Variants in SLC35F5 observed in about 807,000 individuals in gnomAD.
The protein encoded by SLC35F5 is HCV NS5A-transactivated protein 3.
SLC35F5 carries 54 observed loss-of-function variants against 68.6 expected under a neutral mutation model. The observed-to-expected ratio is 0.79, with a 90% CI of 0.63 to 0.99. SLC35F5 has a LOEUF of 0.99. SLC35F5 is among the 50% of genes least tolerant of loss of function. The pLI is 0.00. For missense variants in SLC35F5, 567 were observed against 626.9 expected, an observed-to-expected ratio of 0.90 and a Z score of 1.02; for synonymous variants, 211 against 205.2, an observed-to-expected ratio of 1.03 and a Z score of -0.24.
At chr2:113,751,835 A>T (rs1040284857) in intron 3 of SLC35F5, among the ~76,000 whole-genome samples, 3 of 146,236 alleles carry the variant, frequency 2.1e-5, no homozygotes, top group African/African-American at 7.6e-5. Context: ...AATGGCTCCT[A>T]TAATAAATGG....
At position 113,709,274 on chromosome 2, in the gene SLC35F5, G is replaced by A. The variant is rs1302631130; in HGVS notation, c.*5944C>T. Among the ~76,000 whole-genome samples the A allele has an allele frequency of 2.0e-5, 3 of 152,184 alleles. No individual in the cohort carries two copies. The highest frequency in any genetic ancestry group is 1.9e-4 in the East Asian group (1 of 5,202). On this transcript the variant is annotated 3_prime_UTR_variant, in exon 16 of 16. Coordinates refer to ENST00000245680, the MANE Select transcript of SLC35F5 (RefSeq NM_025181.5). ...CTGGAACTACAAAACTACGGCCTAT[G>A]TGGTGTCACTGTTATTACCACTCTT...
rs967381920 is a variant in SLC35F5, at chr2:113,710,376, A to G, written c.*4842T>C. On this transcript the variant is annotated 3_prime_UTR_variant, in exon 16 of 16. Coordinates refer to ENST00000245680, the MANE Select transcript of SLC35F5 (RefSeq NM_025181.5). ...GGTCTGACTGACACTGGATTTCTTC[A>G]TAAGAAAAATAAATGTGAAAGCTAT... Among the ~76,000 whole-genome samples the G allele has an allele frequency of 3.3e-5, 5 of 152,354 alleles. No individual in the cohort carries two copies. The South Asian group carries it at 8.3e-4, about 25-fold the overall frequency.
intron 10 of SLC35F5, among the ~76,000 whole-genome samples, chr2:113,729,824 A>G (rs1232244169): frequency 6.6e-6 from 1 of 152,198 alleles, no homozygotes; most frequent in Non-Finnish European, 1.5e-5. Flanking sequence ...TAATTTAGAA[A>G]TGCATGTTTC....
intron 7 of SLC35F5, among the ~76,000 whole-genome samples, chr2:113,738,455 A>T (rs1688171132): frequency 6.6e-6 from 1 of 152,102 alleles, no homozygotes; most frequent in Non-Finnish European, 1.5e-5. Context: ...ATAATATTAC[A>T]TTATGTTCAG....
chr2:113,745,299 C>A (rs1481527057), intron 5 of SLC35F5, among the ~76,000 whole-genome samples: 4 of 152,112 alleles, frequency 2.6e-5, no homozygotes, highest in Admixed American at 1.3e-4. Flanking sequence ...ATCTATTAAC[C>A]TACTCTGCAT....
At chr2:113,735,262 T>C (rs1688041631) in intron 8 of SLC35F5, among the ~76,000 whole-genome samples, 1 of 152,226 alleles carries the variant, frequency 6.6e-6, no homozygotes, top group Non-Finnish European at 1.5e-5. Flanking sequence ...TAGCACAGGC[T>C]AAGGCATGAA....
chr2:113,723,996 A>T (rs1160847688), intron 12 of SLC35F5, among the ~76,000 whole-genome samples: 1 of 152,214 alleles, frequency 6.6e-6, no homozygotes, highest in Non-Finnish European at 1.5e-5. Flanking sequence ...GATCCATGGA[A>T]GTTATAGGCA....
At position 113,707,735 on chromosome 2, in the gene SLC35F5, A is replaced by G. The variant is rs1164297413; in HGVS notation, c.*7483T>C. On this transcript the variant is annotated 3_prime_UTR_variant, in exon 16 of 16. Transcript: ENST00000245680. ...CCACCATGCCTGGCTAATTTTTTGT[A>G]TTTTTAGTAGAGAAGGGGTTTCTCC... Among the ~76,000 whole-genome samples, 1 of 151,854 alleles carries G rather than the reference A, an allele frequency of 6.6e-6. No individual in the cohort carries two copies. Among genetic ancestry groups the G allele is most frequent in the Non-Finnish European group, 1.5e-5 (1 of 67,972 alleles).
At chr2:113,735,295 G>C (rs72944699) in intron 8 of SLC35F5, among the ~76,000 whole-genome samples, 4,305 of 152,254 alleles carry the variant, frequency 0.028, 118 homozygotes, top group African/African-American at 0.07. Context: ...CTTAACAACA[G>C]GGATAAATAC....
intron 6 of SLC35F5, 75 bp from the exon 7 acceptor site, chr2:113,742,954 A>G (rs1676344540): frequency 7.4e-7 from 1 of 1,360,232 alleles, no homozygotes; most frequent in Non-Finnish European, 1.0e-6. Flanking sequence ...TAATTTACTG[A>G]TAAATGTATA....
chr2:113,741,400 T>C (rs1676267006), intron 7 of SLC35F5, among the ~76,000 whole-genome samples: 1 of 152,170 alleles, frequency 6.6e-6, no homozygotes, highest in African/African-American at 2.4e-5. Flanking sequence ...CCACTTACTG[T>C]ACACTTAAAA....
rs778542123 is a variant in SLC35F5 at position 113,750,429 on chromosome 2, G to A, written c.413C>T (p.Ala138Val). Residue 138 changes from alanine to valine, a missense_variant, in exon 4 of 16, where the codon GCT becomes GTT. Coordinates refer to ENST00000245680, the MANE Select transcript of SLC35F5 (RefSeq NM_025181.5). ...CAGTTAAAATTAAAAACTTACAAAA[G>A]CAGCATGCTTTCCGCGAAGTCCTCT... ...CTRGLRGKHAAFFADAEGYFA... is the reference protein window; with the variant it reads ...CTRGLRGKHAVFFADAEGYFA... The A allele has an allele frequency of 4.4e-6, 7 of 1,595,952 alleles. No homozygotes were observed. Among genetic ancestry groups the A allele is most frequent in the Non-Finnish European group, 6.0e-6 (7 of 1,172,354 alleles).
intron 5 of SLC35F5, 88 bp from the exon 6 acceptor site, chr2:113,743,882 T>C: frequency 1.9e-6 from 2 of 1,047,866 alleles, no homozygotes; most frequent in Non-Finnish European, 2.7e-6. Flanking sequence ...TAGACACAAA[T>C]ACCATCTAAA....
chr2:113,704,593 C>T (rs900611897), downstream of SLC35F5, among the ~76,000 whole-genome samples: 24 of 151,996 alleles, frequency 1.6e-4, no homozygotes, highest in Admixed American at 1.5e-3. Context: ...AGCGCAGCGC[C>T]GGTGGGCCGG....
intron 15 of SLC35F5, among the ~76,000 whole-genome samples, chr2:113,716,760 G>A (rs1687197553): frequency 6.6e-6 from 1 of 152,282 alleles, no homozygotes; most frequent in East Asian, 1.9e-4. Context: ...AAGGGCAGGG[G>A]TAACTGCCTT....
intron 7 of SLC35F5, among the ~76,000 whole-genome samples, chr2:113,736,915 A>T (rs1230835170): frequency 2.0e-5 from 3 of 152,192 alleles, no homozygotes; most frequent in African/African-American, 7.2e-5. Flanking sequence ...TTCACTGATA[A>T]TTCATCCATT....
chr2:113,738,385 A>C (rs1039999548), intron 7 of SLC35F5, among the ~76,000 whole-genome samples: 6 of 152,078 alleles, frequency 3.9e-5, no homozygotes, highest in Non-Finnish European at 7.4e-5. Flanking sequence ...ATTTAGCATA[A>C]TGTCTTTCAG....
chr2:113,709,616 C>T lies in SLC35F5; in HGVS notation c.*5602G>A, dbSNP rs1466736782. Among the ~76,000 whole-genome samples the T allele has an allele frequency of 2.6e-5, 4 of 152,164 alleles. No homozygotes were observed. Among genetic ancestry groups the T allele is most frequent in the Admixed American group, 6.5e-5 (1 of 15,284 alleles). On this transcript the variant is annotated 3_prime_UTR_variant, in exon 16 of 16. Coordinates refer to ENST00000245680, the MANE Select transcript of SLC35F5 (RefSeq NM_025181.5). ...GAATAATCTCCCCCAAATAAATTCA[C>T]TAATGAGGAACAGAAGGAATCCAAC...
Position 113,746,303 on chromosome 2 carries a change from T to C in SLC35F5, c.454A>G (p.Thr152Ala), listed in dbSNP as rs1676480119. ...DAEGYFAACTTDTTMNSSLSE... is the reference protein window; with the variant it reads ...DAEGYFAACTADTTMNSSLSE... ...AAAGAACTATTCATAGTTGTATCTG[T>C]TGTGCAAGCAGCAAAGTAACCTTCA... is the stretch of plus-strand genomic sequence containing the variant. Residue 152 changes from threonine (T) to alanine (A), a missense_variant, in exon 5 of 16, where the codon ACA becomes GCA. Coordinates refer to ENST00000245680, the MANE Select transcript of SLC35F5 (RefSeq NM_025181.5). The C allele has an allele frequency of 3.1e-6, 5 of 1,613,438 alleles. No individual in the cohort carries two copies. Among genetic ancestry groups the C allele is most frequent in the South Asian group, 1.1e-5 (1 of 91,072 alleles).
Sources: allele counts gnomAD v4.1 joint callset (sites outside exome capture counted in the v4.1 genomes callset), GRCh38; gene constraint gnomAD v4.1.1; transcripts MANE v1.5; gene names NCBI Gene and HGNC (gene_info 2026-07-23, HGNC 2026-07-21).